The following ZBTB40 variants were observed in gnomAD, a reference collection of about 807,000 sequenced individuals.
ZBTB40 encodes zinc finger and BTB domain containing 40.
Under a neutral mutation model 117.5 loss-of-function variants are expected in ZBTB40, and 60 were observed. That is an observed-to-expected ratio of 0.51 (90% CI 0.41 to 0.63). ZBTB40 has a LOEUF of 0.63. Ranked by LOEUF, ZBTB40 falls within the 30% of genes least tolerant of loss-of-function variation. The pLI is 0.00. For synonymous variants in ZBTB40, 525 were observed against 577.1 expected (o/e 0.91, Z 1.29); for missense variants, 1,287 against 1,498.5 (o/e 0.86, Z 2.33).
intron 1 of ZBTB40, among the ~76,000 whole-genome samples, chr1:22,445,848 C>T (rs1425632373): frequency 1.1e-4 from 9 of 82,830 alleles, no homozygotes; most frequent in Admixed American, 9.4e-4. Context: ...GCGCAAGACT[C>T]CGTCTCAAAA....
intron 1 of ZBTB40, among the ~76,000 whole-genome samples, chr1:22,466,000 C>G (rs553355114): frequency 3.3e-5 from 5 of 152,274 alleles, no homozygotes; most frequent in South Asian, 2.1e-4. Context: ...ACTCTGAAAC[C>G]CCCCCTGTAC....
chr1:22,508,756 G>C (rs1557515346), intron 8 of ZBTB40, 25 bp downstream of exon 8: 2 of 1,607,366 alleles, frequency 1.2e-6, no homozygotes, highest in Non-Finnish European at 1.7e-6. Context: ...CTCTGGGGGG[G>C]TTTTGCCCCC....
At position 22,502,455 on chromosome 1, in the gene ZBTB40, G is replaced by C. The variant is rs751550733; in HGVS notation, c.1167+14G>C. On this transcript the variant is annotated intron_variant, in intron 5 of 17. Transcript: ENST00000375647. Reference sequence around the variant, plus strand: ...ACTGAAAAAAGGGTAACTGTGTCAAGTGTCTCCTCCCTCCTCCTGAATTCA... The same window carrying C: ...ACTGAAAAAAGGGTAACTGTGTCAACTGTCTCCTCCCTCCTCCTGAATTCA... 34 of 1,613,590 alleles carry C rather than the reference G, an allele frequency of 2.1e-5. No individual in the cohort carries two copies. The highest frequency in any genetic ancestry group is 8.0e-5 in the African/African-American group (6 of 74,654).
At chr1:22,433,522 C>T (rs201680037) in intron 1 of ZBTB40, among the ~76,000 whole-genome samples, 2 of 101,012 alleles carry the variant, frequency 2.0e-5, no homozygotes, top group African/African-American at 6.9e-5. Context: ...GTAGTATAAT[C>T]TAGAGATGAC....
chr1:22,478,482 C>T (rs1032470297), intron 1 of ZBTB40, among the ~76,000 whole-genome samples: 4 of 152,008 alleles, frequency 2.6e-5, no homozygotes, highest in African/African-American at 4.8e-5. Flanking sequence ...CTCCTGACCT[C>T]GTGATCTGCC....
chr1:22,514,343 T>C (rs1639321443), intron 12 of ZBTB40, among the ~76,000 whole-genome samples: 1 of 152,228 alleles, frequency 6.6e-6, no homozygotes, highest in South Asian at 2.1e-4. Flanking sequence ...AGGTCACTTC[T>C]CTGCTCCAAA....
At chr1:22,477,807 C>G (rs1641587711) in intron 1 of ZBTB40, among the ~76,000 whole-genome samples, 1 of 152,222 alleles carries the variant, frequency 6.6e-6, no homozygotes, top group South Asian at 2.1e-4. Context: ...CTCGGCCTCT[C>G]AAAGTGCTGG....
chr1:22,462,224 T>C (rs1181103940), intron 1 of ZBTB40, among the ~76,000 whole-genome samples: 1 of 152,238 alleles, frequency 6.6e-6, no homozygotes, highest in Non-Finnish European at 1.5e-5. Context: ...GTTTGGGCAG[T>C]ATCACTCAGT....
intron 16 of ZBTB40, among the ~76,000 whole-genome samples, chr1:22,523,096 C>T (rs1335004067): frequency 6.6e-6 from 1 of 151,686 alleles, no homozygotes; most frequent in Non-Finnish European, 1.5e-5. Flanking sequence ...TACAGGCGCC[C>T]ACCACCACAC....
intron 1 of ZBTB40, among the ~76,000 whole-genome samples, chr1:22,480,598 C>T (rs1638271534): frequency 6.6e-6 from 1 of 152,046 alleles, no homozygotes; most frequent in Non-Finnish European, 1.5e-5. Flanking sequence ...GATCTGCCCG[C>T]CTCGGCCTCC....
intron 1 of ZBTB40, among the ~76,000 whole-genome samples, chr1:22,460,587 G>A (rs751058821): frequency 6.6e-6 from 1 of 152,034 alleles, no homozygotes. Flanking sequence ...AAGAAAATTT[G>A]CAAATATAAA....
Position 22,501,673 on chromosome 1 carries a change from T to A in ZBTB40, c.1013T>A (p.Val338Glu). The A allele has an allele frequency of 6.2e-7, 1 of 1,613,762 alleles. No individual in the cohort carries two copies. The highest frequency in any genetic ancestry group is 8.5e-7 in the Non-Finnish European group (1 of 1,179,976). ...LDRKPEDVDT[V>E]QPKGSTEEGK... is the part of the protein sequence containing the mutation. ...AGGAAGCCAGAAGATGTAGACACAG[T>A]GCAGCCAAAAGGTAGGAGAAGATCC... The change falls in exon 4 of 18, where the codon GTG becomes GAG. Residue 338 changes from valine to glutamate, a missense_variant. By Grantham distance (121) the Val-to-Glu change is moderately radical. This residue lies in a region of ZBTB40 where 870 missense variants were observed against 934.4 expected (regional missense o/e 0.93). Transcript: ENST00000375647.
chr1:22,520,594 A>G (rs550950768), intron 14 of ZBTB40, among the ~76,000 whole-genome samples: 100 of 152,304 alleles, frequency 6.6e-4, no homozygotes, highest in Non-Finnish European at 5.1e-4. Flanking sequence ...CCATGTGTCA[A>G]TGGGCATGAC....
In ZBTB40 at chr1:22,508,676, C is replaced by T. The variant is rs1401423325; in HGVS notation, c.1644C>T (p.Asp548=). The change falls in exon 8 of 18, where the codon GAC becomes GAT. Residue 548 remains aspartate (D), a synonymous_variant. Coordinates refer to ENST00000375647, the MANE Select transcript of ZBTB40 (RefSeq NM_014870.4). ...VVQETKTCPL[D]LLMEEIRREP... is the part of the protein sequence containing the mutation. ...AGGAGACAAAGACCTGTCCATTGGACCTGCTCATGGAGGAAATACGAAGGG... is the reference window on the plus strand; with the variant it reads ...AGGAGACAAAGACCTGTCCATTGGATCTGCTCATGGAGGAAATACGAAGGG... 1.9e-6 allele frequency: 3 copies of T among 1,614,048 alleles called. No individual in the cohort carries two copies. The highest frequency in any genetic ancestry group is 4.5e-5 in the East Asian group (2 of 44,882).
chr1:22,435,395 T>G (rs1006454089), intron 1 of ZBTB40, among the ~76,000 whole-genome samples: 1 of 152,208 alleles, frequency 6.6e-6, no homozygotes, highest in Non-Finnish European at 1.5e-5. Flanking sequence ...CTCTTCTAAC[T>G]GGTTTCTGTA....
At chr1:22,441,473 CTT>C (rs71020419) in intron 1 of ZBTB40, among the ~76,000 whole-genome samples, 14 of 73,726 alleles carry the variant, frequency 1.9e-4, no homozygotes, top group East Asian at 5.2e-4. Context: ...TATTTGCTTT[CTT>C]TTTTTTTTTT....
In ZBTB40 at chr1:22,526,583, C is replaced by T; in HGVS notation, c.*187C>T. ...CTCATAGAACCAACAGCATCTGAGC[C>T]CTCAACACCAACAGCACCATCCTCT... On this transcript the variant is annotated 3_prime_UTR_variant, in exon 18 of 18. Coordinates refer to ENST00000375647, the MANE Select transcript of ZBTB40 (RefSeq NM_014870.4). The T allele has an allele frequency of 2.8e-6, 2 of 710,656 alleles. No homozygotes were observed. The highest frequency in any genetic ancestry group is 3.4e-5 in the South Asian group (2 of 59,614). 44.0% of individuals were successfully genotyped at this position (710,656 alleles called of 1,614,324 possible).
intron 1 of ZBTB40, among the ~76,000 whole-genome samples, chr1:22,482,270 G>C (rs1638340891): frequency 6.6e-6 from 1 of 152,126 alleles, no homozygotes; most frequent in African/African-American, 2.4e-5. Context: ...GGGGTAGTTA[G>C]AACTGAAACA....
At chr1:22,481,787 CAAAAAAAAAAAAAAAAAA>C (rs766474050) in intron 1 of ZBTB40, among the ~76,000 whole-genome samples, 1 of 64,302 alleles carries the variant, frequency 1.6e-5, no homozygotes, top group Non-Finnish European at 2.6e-5. Flanking sequence ...CTTGTTTTAC[CAAAAAAAAAAAAAAAAAA>C]AAAAAAAAAA....
Sources: gnomAD v4.1 joint callset for allele counts (sites outside exome capture counted in the v4.1 genomes callset) on GRCh38, gnomAD v4.1.1 for gene constraint, gnomAD v4.1.1 regional missense constraint, MANE v1.5 for transcripts, NCBI Gene and HGNC (gene_info 2026-07-23, HGNC 2026-07-21) for gene names.